RABGEF1: variants seen among roughly 807,000 people sequenced by gnomAD.
RABGEF1 encodes rab5 GDP/GTP exchange factor.
RABGEF1 carries 26 observed loss-of-function variants against 57.3 expected under a neutral mutation model. The ratio of observed to expected loss-of-function variants is 0.45; its 90% CI spans 0.33 to 0.63. RABGEF1 has a LOEUF of 0.63. RABGEF1 is among the 20% of genes least tolerant of loss of function. The pLI, the probability that RABGEF1 is intolerant of heterozygous loss-of-function variation, is 0.02. For missense variants in RABGEF1, 464 were observed against 607.6 expected, an observed-to-expected ratio of 0.76 and a Z score of 2.48; for synonymous variants, 185 against 210.7, an observed-to-expected ratio of 0.88 and a Z score of 1.06.
chr7:66,738,476 T>C (rs1798305500), upstream of RABGEF1, among the ~76,000 whole-genome samples: 1 of 150,922 alleles, frequency 6.6e-6, no homozygotes, highest in Non-Finnish European at 1.5e-5. Context: ...ATGCCTGTAA[T>C]CCCAGCACTT....
At chr7:66,781,741 G>A (rs1271661690) in intron 3 of RABGEF1, among the ~76,000 whole-genome samples, 1 of 152,222 alleles carries the variant, frequency 6.6e-6, no homozygotes, top group African/African-American at 2.4e-5. Flanking sequence ...CCTCCGTAGT[G>A]TTTGCATGAT....
At chr7:66,703,356 A>G (rs1379886598) in intron 1 of RABGEF1, among the ~76,000 whole-genome samples, 1 of 152,134 alleles carries the variant, frequency 6.6e-6, no homozygotes, top group African/African-American at 2.4e-5. Flanking sequence ...TATCTAGAAA[A>G]TCATTGCCAA....
At chr7:66,676,001 T>A in the RABGEF1 span, among the ~76,000 whole-genome samples, 7 of 152,226 alleles carry the variant, frequency 4.6e-5, no homozygotes, top group East Asian at 1.4e-3. Context: ...TCTCGATATA[T>A]CCTGGATAAC....
intron 1 of RABGEF1, among the ~76,000 whole-genome samples, chr7:66,769,320 C>G (rs193255513): frequency 5.3e-5 from 8 of 152,348 alleles, no homozygotes; most frequent in Non-Finnish European, 1.5e-5. Context: ...CAACTGCAGT[C>G]GCTGTGCTCA....
At chr7:66,743,327 T>TAAAAA (rs375657884) in intron 1 of RABGEF1, among the ~76,000 whole-genome samples, 1 of 136,630 alleles carries the variant, frequency 7.3e-6, no homozygotes, top group Non-Finnish European at 1.6e-5. Context: ...AGAAAAAAAT[T>TAAAAA]TAAAAAAAAA....
chr7:66,744,353 C>A, intron 1 of RABGEF1, among the ~76,000 whole-genome samples: 1 of 147,714 alleles, frequency 6.8e-6, no homozygotes, highest in African/African-American at 2.5e-5. Flanking sequence ...GGCAAAATAG[C>A]AAGACTGCAT....
intron 2 of RABGEF1, among the ~76,000 whole-genome samples, chr7:66,728,609 A>G (rs570902474): frequency 6.6e-6 from 1 of 152,160 alleles, no homozygotes; most frequent in South Asian, 2.1e-4. Flanking sequence ...TCTATCCCCA[A>G]CTTCATTTTC....
chr7:66,659,289 AAAAAT>A, the RABGEF1 span, among the ~76,000 whole-genome samples: 1 of 151,014 alleles, frequency 6.6e-6, no homozygotes, highest in Admixed American at 6.6e-5. Context: ...TGTCTCTACT[AAAAAT>A]AAAGAAAATT....
intron 2 of RABGEF1, chr7:66,773,719 G>A: frequency 2.2e-6 from 1 of 453,994 alleles, no homozygotes; most frequent in Non-Finnish European, 4.4e-6. Flanking sequence ...TGGCTGGAGT[G>A]CAATGGTGCA....
At chr7:66,695,599 C>T (rs763124689) in intron 1 of RABGEF1, among the ~76,000 whole-genome samples, 2 of 151,688 alleles carry the variant, frequency 1.3e-5, no homozygotes, top group Non-Finnish European at 1.5e-5. Flanking sequence ...GAGAGTGGGT[C>T]GTGAGAAAGT....
At chr7:66,668,415 C>T in the RABGEF1 span, among the ~76,000 whole-genome samples, 1 of 152,156 alleles carries the variant, frequency 6.6e-6, no homozygotes, top group African/African-American at 2.4e-5. Context: ...CTATTTTAGA[C>T]ATGAGACTGA....
At chr7:66,691,884 T>C (rs1791565340) in intron 1 of RABGEF1, among the ~76,000 whole-genome samples, 1 of 151,606 alleles carries the variant, frequency 6.6e-6, no homozygotes. Flanking sequence ...CAAGATCCCA[T>C]TTCTACAAAA....
At chr7:66,774,751 C>T (rs749313803) in intron 2 of RABGEF1, among the ~76,000 whole-genome samples, 5 of 152,124 alleles carry the variant, frequency 3.3e-5, no homozygotes, top group Non-Finnish European at 7.4e-5. Context: ...TGGAGTGACA[C>T]TCTGTCTCAA....
intron 2 of RABGEF1, among the ~76,000 whole-genome samples, chr7:66,730,560 T>TTTC (rs1554310509): frequency 1.4e-5 from 2 of 147,010 alleles, no homozygotes; most frequent in South Asian, 2.1e-4. Context: ...TCTTTTTCTT[T>TTTC]TTTTTTTTTT....
intron 1 of RABGEF1, among the ~76,000 whole-genome samples, chr7:66,694,468 G>C (rs1419912292): frequency 2.6e-5 from 4 of 152,264 alleles, no homozygotes; most frequent in Non-Finnish European, 5.9e-5. Context: ...GAAAGGACCA[G>C]GCCACAGAGG....
chr7:66,808,521 G>A (rs1044037121), intron 8 of RABGEF1, among the ~76,000 whole-genome samples: 3 of 152,098 alleles, frequency 2.0e-5, no homozygotes, highest in African/African-American at 7.2e-5. Flanking sequence ...GTCTGGAGCT[G>A]TTCTTTTAAC....
chr7:66,679,727 C>T (rs190953886), upstream of RABGEF1, among the ~76,000 whole-genome samples: 620 of 152,190 alleles, frequency 4.1e-3, 3 homozygotes, highest in African/African-American at 0.014. Flanking sequence ...TTCTGCTCAG[C>T]TTATTGAACG....
chr7:66,680,396 C>T (rs2116994513), upstream of RABGEF1, among the ~76,000 whole-genome samples: 1 of 152,170 alleles, frequency 6.6e-6, no homozygotes, highest in Middle Eastern at 3.4e-3. Context: ...AGGCATGTGC[C>T]ACCACGCCCA....
chr7:66,706,047 C>T (rs1021475715), intron 1 of RABGEF1, among the ~76,000 whole-genome samples: 19 of 150,606 alleles, frequency 1.3e-4, no homozygotes, highest in Admixed American at 1.3e-4. Context: ...GGACTACAGG[C>T]GCCCGCCACC....
Sources: gnomAD v4.1 joint callset for allele counts (sites outside exome capture counted in the v4.1 genomes callset) on GRCh38, gnomAD v4.1.1 for gene constraint, MANE v1.5 for transcripts, NCBI Gene and HGNC (gene_info 2026-07-23, HGNC 2026-07-21) for gene names.